KIAA1217: variants seen among roughly 807,000 people sequenced by gnomAD.
KIAA1217 encodes sickle tail protein homolog.
A neutral mutation model predicts 163.9 loss-of-function variants in KIAA1217; 88 were observed. The ratio of observed to expected loss-of-function variants is 0.54; its 90% CI spans 0.45 to 0.64. KIAA1217 has a LOEUF of 0.64. Among genes scored for constraint, KIAA1217 ranks in the 30% least tolerant of loss-of-function variants. The pLI is 0.00. For missense variants in KIAA1217, 2,372 were observed against 2,475.0 expected, an observed-to-expected ratio of 0.96 and a Z score of 0.88; for synonymous variants, 903 against 923.1, an observed-to-expected ratio of 0.98 and a Z score of 0.39.
At chr10:24,040,092 C>T (rs767016239) in intron 2 of KIAA1217, among the ~76,000 whole-genome samples, 2 of 152,236 alleles carry the variant, frequency 1.3e-5, no homozygotes, top group Non-Finnish European at 2.9e-5. Context: ...GATGCAGTCA[C>T]ACTTCTTTCC....
chr10:24,235,958 G>C (rs1483209651), intron 2 of KIAA1217, among the ~76,000 whole-genome samples: 1 of 152,166 alleles, frequency 6.6e-6, no homozygotes, highest in Non-Finnish European at 1.5e-5. Context: ...TGGTAGTTAA[G>C]TACAGGTGTT....
chr10:24,443,770 G>A (rs549593601), intron 5 of KIAA1217, among the ~76,000 whole-genome samples: 38 of 152,020 alleles, frequency 2.5e-4, no homozygotes, highest in Non-Finnish European at 3.7e-4. Context: ...ATAATAATAG[G>A]TTAGTGGTTA....
intron 6 of KIAA1217, among the ~76,000 whole-genome samples, chr10:24,488,635 A>G (rs1475356525): frequency 6.6e-6 from 1 of 152,246 alleles, no homozygotes; most frequent in Non-Finnish European, 1.5e-5. Context: ...TAGAAAGGTC[A>G]TTGCTTAGAG....
chr10:24,303,428 A>C (rs2041622671), intron 2 of KIAA1217, among the ~76,000 whole-genome samples: 1 of 152,186 alleles, frequency 6.6e-6, no homozygotes, highest in Non-Finnish European at 1.5e-5. Context: ...ACGTAGGGAC[A>C]ACAGGCCATG....
intron 1 of KIAA1217, among the ~76,000 whole-genome samples, chr10:23,796,070 C>T (rs1030185604): frequency 2.0e-5 from 3 of 152,138 alleles, no homozygotes; most frequent in African/African-American, 4.8e-5. Context: ...GTCCCTGCTC[C>T]ATGTCAATCT....
intron 1 of KIAA1217, among the ~76,000 whole-genome samples, chr10:23,744,929 G>A (rs1386000491): frequency 6.6e-6 from 1 of 152,142 alleles, no homozygotes; most frequent in African/African-American, 2.4e-5. Flanking sequence ...TTAACCGACT[G>A]GATGAGGCCC....
chr10:24,015,026 A>T (rs1203906946), intron 2 of KIAA1217, among the ~76,000 whole-genome samples: 2 of 152,176 alleles, frequency 1.3e-5, no homozygotes, highest in African/African-American at 2.4e-5. Flanking sequence ...GCCCTAAAAA[A>T]GCATGTAGTT....
At chr10:23,727,434 C>A (rs991939139) in intron 1 of KIAA1217, among the ~76,000 whole-genome samples, 4 of 151,860 alleles carry the variant, frequency 2.6e-5, no homozygotes, top group Admixed American at 2.0e-4. Context: ...GTGGTGCACA[C>A]CTATAATCCC....
At chr10:23,895,413 C>A (rs947310710) in intron 1 of KIAA1217, among the ~76,000 whole-genome samples, 2 of 152,140 alleles carry the variant, frequency 1.3e-5, no homozygotes, top group Non-Finnish European at 2.9e-5. Flanking sequence ...CACTGGCCAT[C>A]ACAGAAATGC....
At chr10:24,177,542 T>G (rs2131938990) in intron 2 of KIAA1217, among the ~76,000 whole-genome samples, 1 of 151,894 alleles carries the variant, frequency 6.6e-6, no homozygotes, top group South Asian at 2.1e-4. Flanking sequence ...ATGGGATTGC[T>G]GGATCAAATG....
chr10:24,252,247 T>C (rs2074638655), intron 2 of KIAA1217, among the ~76,000 whole-genome samples: 1 of 152,114 alleles, frequency 6.6e-6, no homozygotes, highest in Non-Finnish European at 1.5e-5. Context: ...GAAGATTAAG[T>C]ATATGAAAGT....
intron 1 of KIAA1217, among the ~76,000 whole-genome samples, chr10:23,864,856 A>G (rs1190902410): frequency 1.3e-5 from 2 of 152,184 alleles, no homozygotes; most frequent in African/African-American, 4.8e-5. Flanking sequence ...AGCTGCAGTC[A>G]TGAATCTGAA....
At chr10:23,752,587 CTG>C (rs1314587278) in intron 1 of KIAA1217, among the ~76,000 whole-genome samples, 2 of 152,136 alleles carry the variant, frequency 1.3e-5, no homozygotes, top group Admixed American at 6.5e-5. Flanking sequence ...GAATTAAGAA[CTG>C]TGTTATAATT....
intron 2 of KIAA1217, among the ~76,000 whole-genome samples, chr10:24,058,254 T>G (rs1244763829): frequency 6.6e-6 from 1 of 152,248 alleles, no homozygotes; most frequent in African/African-American, 2.4e-5. Flanking sequence ...TTTGTCTATA[T>G]GTCTGTCTTT....
intron 11 of KIAA1217, among the ~76,000 whole-genome samples, chr10:24,520,642 AAAAAAAAAAATAT>A (rs1450241519): frequency 5.5e-4 from 50 of 91,452 alleles, no homozygotes; most frequent in African/African-American, 2.6e-3. Flanking sequence ...AAAAAAAAAA[AAAAAAAAAAATAT>A]ATATATATAT....
At chr10:23,995,874 A>G (rs1846458835) in intron 1 of KIAA1217, among the ~76,000 whole-genome samples, 1 of 152,204 alleles carries the variant, frequency 6.6e-6, no homozygotes, top group Non-Finnish European at 1.5e-5. Context: ...GTGATTTGCA[A>G]ACTCTGAATC....
intron 2 of KIAA1217, among the ~76,000 whole-genome samples, chr10:24,193,338 A>G (rs550323203): frequency 1.4e-4 from 21 of 152,352 alleles, no homozygotes; most frequent in African/African-American, 4.6e-4. Context: ...TCTGGAGAGA[A>G]AATTTGCTAT....
chr10:24,315,807 A>G (rs1012929861), intron 2 of KIAA1217, among the ~76,000 whole-genome samples: 1 of 152,106 alleles, frequency 6.6e-6, no homozygotes, highest in Non-Finnish European at 1.5e-5. Context: ...AAGTCATCAT[A>G]AATTTGTTGC....
At chr10:24,155,494 A>G (rs1249986277) in intron 2 of KIAA1217, among the ~76,000 whole-genome samples, 1 of 152,296 alleles carries the variant, frequency 6.6e-6, no homozygotes, top group African/African-American at 2.4e-5. Context: ...CCAAGACCCA[A>G]GATTACTAAT....
Sources: gnomAD v4.1 joint callset for allele counts (sites outside exome capture counted in the v4.1 genomes callset) on GRCh38, gnomAD v4.1.1 for gene constraint, MANE v1.5 for transcripts, NCBI Gene and HGNC (gene_info 2026-07-23, HGNC 2026-07-21) for gene names.